Variants in ERI1 observed in about 807,000 individuals in gnomAD.
ERI1 encodes the protein exoribonuclease 1.
A neutral mutation model predicts 39.7 loss-of-function variants in ERI1; 39 were observed. The observed-to-expected ratio is 0.98, with a 90% confidence interval of 0.76 to 1.28. The LOEUF is 1.28. ERI1 is among the 50% of genes most tolerant of loss of function. The pLI, the probability that ERI1 is intolerant of heterozygous loss-of-function variation, is 0.00. For missense variants in ERI1, 581 were observed against 416.9 expected (o/e 1.39, Z -3.43); for synonymous variants, 204 against 149.6 (o/e 1.36, Z -2.65).
chr8:9,093,801 T>C (rs1799786977), intron 3 of ERI1, among the ~76,000 whole-genome samples: 1 of 152,162 alleles, frequency 6.6e-6, no homozygotes, highest in African/African-American at 2.4e-5. Context: ...GGTCTCGAAC[T>C]CCTGACCTCA....
downstream of ERI1, among the ~76,000 whole-genome samples, chr8:9,034,220 C>A (rs1039738682): frequency 6.6e-5 from 10 of 152,356 alleles, no homozygotes; most frequent in African/African-American, 2.2e-4. Flanking sequence ...TGCTTTTCTA[C>A]TTGCAAGTGA....
chr8:9,026,415 A>G (rs947745988), intron 6 of ERI1, among the ~76,000 whole-genome samples: 7 of 151,774 alleles, frequency 4.6e-5, no homozygotes, highest in Non-Finnish European at 1.0e-4. Flanking sequence ...AACCCTGGCA[A>G]TCATCATTCT....
intron 3 of ERI1, among the ~76,000 whole-genome samples, chr8:9,057,074 C>A (rs771674190): frequency 6.6e-6 from 1 of 152,194 alleles, no homozygotes; most frequent in Non-Finnish European, 1.5e-5. Flanking sequence ...CTCAAGTGAT[C>A]TGCCTGCCTC....
chr8:9,063,446 G>A (rs1798769708), intron 3 of ERI1, among the ~76,000 whole-genome samples: 1 of 152,188 alleles, frequency 6.6e-6, no homozygotes, highest in South Asian at 2.1e-4. Flanking sequence ...CGGGTGTGAG[G>A]AGGGGAGGTG....
intron 4 of ERI1, among the ~76,000 whole-genome samples, chr8:9,017,860 G>A (rs981888030): frequency 6.6e-6 from 1 of 152,112 alleles, no homozygotes; most frequent in African/African-American, 2.4e-5. Context: ...GTGATAGGGC[G>A]GACCCGATTT....
chr8:9,012,504 A>T (rs542044456), intron 3 of ERI1, among the ~76,000 whole-genome samples: 126 of 152,364 alleles, frequency 8.3e-4, no homozygotes, highest in African/African-American at 3.0e-3. Context: ...ATTAAAATGC[A>T]TAGGTTATTA....
At chr8:9,091,242 C>T (rs1314846632) in intron 3 of ERI1, 2 of 152,246 alleles carry the variant, frequency 1.3e-5, no homozygotes, top group Non-Finnish European at 2.9e-5. Context: ...AATTCTTGGC[C>T]GGGAGCAGTG....
intron 6 of ERI1, among the ~76,000 whole-genome samples, chr8:9,022,941 C>T (rs560693974): frequency 6.6e-6 from 1 of 152,242 alleles, no homozygotes; most frequent in African/African-American, 2.4e-5. Flanking sequence ...TTACGTAGCT[C>T]CAAAAGCTAA....
intron 3 of ERI1, among the ~76,000 whole-genome samples, chr8:9,042,287 G>T (rs1798050418): frequency 6.6e-6 from 1 of 152,076 alleles, no homozygotes; most frequent in African/African-American, 2.4e-5. Context: ...TCTCTCTGTG[G>T]CACACAAGAT....
chr8:9,003,530 C>G (rs1465758191), intron 1 of ERI1, among the ~76,000 whole-genome samples: 1 of 152,184 alleles, frequency 6.6e-6, no homozygotes, highest in Non-Finnish European at 1.5e-5. Flanking sequence ...TAAAATCTCA[C>G]CATATACGCT....
intron 6 of ERI1, among the ~76,000 whole-genome samples, chr8:9,026,081 A>G (rs1818445956): frequency 6.6e-6 from 1 of 152,178 alleles, no homozygotes; most frequent in Non-Finnish European, 1.5e-5. Context: ...AGTTACACAT[A>G]AATTAAGCAT....
intron 3 of ERI1, among the ~76,000 whole-genome samples, chr8:9,056,016 G>C (rs554882308): frequency 6.6e-6 from 1 of 152,252 alleles, no homozygotes; most frequent in Non-Finnish European, 1.5e-5. Flanking sequence ...CTTCACTTTG[G>C]GGCATCACTT....
chr8:9,084,229 C>G (rs938709703), intron 3 of ERI1, among the ~76,000 whole-genome samples: 1 of 152,172 alleles, frequency 6.6e-6, no homozygotes, highest in Non-Finnish European at 1.5e-5. Flanking sequence ...GGCATTACTG[C>G]TTTCCAGCCT....
At chr8:9,079,723 G>C (rs548570829) in intron 3 of ERI1, among the ~76,000 whole-genome samples, 2 of 152,272 alleles carry the variant, frequency 1.3e-5, no homozygotes, top group South Asian at 4.2e-4. Flanking sequence ...ATCCAGGCTG[G>C]AGTGCAGTGG....
intron 3 of ERI1, among the ~76,000 whole-genome samples, chr8:9,070,388 T>G (rs897125290): frequency 6.6e-6 from 1 of 152,206 alleles, no homozygotes; most frequent in Non-Finnish European, 1.5e-5. Context: ...TTTGGGAGGC[T>G]GAGGCCAAAG....
chr8:9,018,241 AG>A (rs1468728943), intron 4 of ERI1, 55 bp from the exon 5 acceptor site: 6 of 940,126 alleles, frequency 6.4e-6, no homozygotes, highest in Non-Finnish European at 8.3e-6. Context: ...GGTATTTTGT[AG>A]GTCTACGTGA....
At chr8:9,063,645 G>A (rs1235306787) in intron 3 of ERI1, among the ~76,000 whole-genome samples, 2 of 152,110 alleles carry the variant, frequency 1.3e-5, no homozygotes, top group African/African-American at 4.8e-5. Context: ...AGTTGCATGG[G>A]GAACAGAGAC....
chr8:9,054,128 T>C (rs113518686), intron 3 of ERI1, among the ~76,000 whole-genome samples: 288 of 152,296 alleles, frequency 1.9e-3, no homozygotes, highest in African/African-American at 6.2e-3. Flanking sequence ...TCTTTTACCA[T>C]GGAAAAGCAA....
chr8:9,077,429 T>G (rs1799241928), intron 3 of ERI1, among the ~76,000 whole-genome samples: 1 of 152,156 alleles, frequency 6.6e-6, no homozygotes, highest in South Asian at 2.1e-4. Context: ...TACAAATTTA[T>G]CATGTGCCTA....
Sources: allele counts gnomAD v4.1 joint callset (sites outside exome capture counted in the v4.1 genomes callset), GRCh38; gene constraint gnomAD v4.1.1; transcripts MANE v1.5; gene names NCBI Gene and HGNC (gene_info 2026-07-23, HGNC 2026-07-21).